Variants in DNM3 observed in about 807,000 individuals in gnomAD.
DNM3 encodes the protein dynamin 3, also known as dynamin-3.
A neutral mutation model predicts 101.6 loss-of-function variants in DNM3; 47 were observed. That is an observed-to-expected ratio of 0.46 (90% CI 0.37 to 0.59). The LOEUF (loss-of-function observed/expected upper bound fraction) is 0.59, where lower values mean the gene tolerates loss of function less well. Ranked by LOEUF, DNM3 falls within the 20% of genes least tolerant of loss-of-function variation. DNM3 has a pLI of 0.00. For synonymous variants in DNM3, 385 were observed against 387.9 expected (o/e 0.99, Z 0.09); for missense variants, 849 against 1,085.7 (o/e 0.78, Z 3.06).
intron 14 of DNM3, among the ~76,000 whole-genome samples, chr1:172,163,899 GCA>G (rs10536416): frequency 0.59 from 89,627 of 150,878 alleles, 29,251 homozygotes; most frequent in African/African-American, 0.88. Flanking sequence ...ATGTATATAT[GCA>G]CATGTGTATA....
exon 21 of DNM3, chr1:172,418,326 A>G (rs755511501): frequency 7.8e-7 from 1 of 1,288,474 alleles, no homozygotes; most frequent in Admixed American, 2.3e-5. Flanking sequence ...AACCCCCATC[A>G]TTCATCTCCT....
At chr1:172,245,103 T>G (rs1573110278) in intron 14 of DNM3, among the ~76,000 whole-genome samples, 1 of 152,284 alleles carries the variant, frequency 6.6e-6, no homozygotes, top group East Asian at 1.9e-4. Context: ...ATTCAGCAAG[T>G]GTTTGCTGAA....
chr1:171,919,410 G>C (rs1356594045), intron 1 of DNM3, among the ~76,000 whole-genome samples: 13 of 152,052 alleles, frequency 8.5e-5, no homozygotes, highest in Admixed American at 7.2e-4. Context: ...TGCGGTGTTT[G>C]GTTTTCTGTT....
intron 15 of DNM3, among the ~76,000 whole-genome samples, chr1:172,257,474 A>C (rs1183856350): frequency 1.3e-5 from 2 of 152,138 alleles, no homozygotes; most frequent in Non-Finnish European, 2.9e-5. Flanking sequence ...TGACTTAAAA[A>C]ATAATTTTGT....
At chr1:172,173,452 A>G (rs547784635) in intron 14 of DNM3, among the ~76,000 whole-genome samples, 1 of 151,520 alleles carries the variant, frequency 6.6e-6, no homozygotes, top group African/African-American at 2.4e-5. Flanking sequence ...AGGTGAAGAC[A>G]TCCAATTGAA....
intron 2 of DNM3, among the ~76,000 whole-genome samples, chr1:171,934,945 T>A (rs985292481): frequency 6.6e-6 from 1 of 152,168 alleles, no homozygotes; most frequent in Non-Finnish European, 1.5e-5. Context: ...ATATTATGAT[T>A]TCCTTTTAGA....
chr1:171,968,208 T>C (rs1453113677), intron 2 of DNM3, among the ~76,000 whole-genome samples: 1 of 152,252 alleles, frequency 6.6e-6, no homozygotes, highest in African/African-American at 2.4e-5. Flanking sequence ...TTGAGGCTTC[T>C]AATCAGTATG....
At chr1:172,170,055 A>G (rs1267933699) in intron 14 of DNM3, among the ~76,000 whole-genome samples, 3 of 151,912 alleles carry the variant, frequency 2.0e-5, no homozygotes, top group Non-Finnish European at 4.4e-5. Flanking sequence ...CTAGAGATCT[A>G]TGCACTACAA....
chr1:172,234,916 G>T (rs1189627777), intron 14 of DNM3, among the ~76,000 whole-genome samples: 7 of 152,044 alleles, frequency 4.6e-5, no homozygotes, highest in Non-Finnish European at 1.0e-4. Context: ...AACCTAGGCA[G>T]TACCATTCAG....
chr1:172,323,285 G>A, intron 16 of DNM3, 44 bp from the exon 17 acceptor site: 2 of 1,550,066 alleles, frequency 1.3e-6, no homozygotes, highest in Non-Finnish European at 8.7e-7. Flanking sequence ...ATAAATTTCT[G>A]TTTAACATAT....
chr1:171,901,765 GA>G (rs1200416524), intron 1 of DNM3, among the ~76,000 whole-genome samples: 2 of 152,174 alleles, frequency 1.3e-5, no homozygotes, highest in Non-Finnish European at 2.9e-5. Context: ...TATGTTTTAA[GA>G]ACGTGAACAA....
At chr1:171,905,112 A>G (rs977099605) in intron 1 of DNM3, among the ~76,000 whole-genome samples, 12 of 152,232 alleles carry the variant, frequency 7.9e-5, no homozygotes, top group African/African-American at 2.9e-4. Context: ...AAAAGATGTG[A>G]CATTTTTTGT....
At chr1:171,844,021 C>T (rs919897227) in intron 1 of DNM3, among the ~76,000 whole-genome samples, 2 of 152,106 alleles carry the variant, frequency 1.3e-5, no homozygotes, top group African/African-American at 2.4e-5. Flanking sequence ...AGAGATAACA[C>T]CTGCCTAGCA....
intron 17 of DNM3, among the ~76,000 whole-genome samples, chr1:172,367,428 T>C (rs1121394): frequency 0.99 from 150,785 of 151,992 alleles, 74,805 homozygotes; most frequent in East Asian, 1. Context: ...GAAACTCACT[T>C]ATAGAGCAGA....
At chr1:172,092,668 G>A (rs947528757) in intron 12 of DNM3, among the ~76,000 whole-genome samples, 156 bp from the exon 13 acceptor site, 1 of 151,864 alleles carries the variant, frequency 6.6e-6, no homozygotes, top group Non-Finnish European at 1.5e-5. Context: ...CATTGAGTTG[G>A]TTTTGCTTCC....
chr1:172,025,228 G>A (rs757134371), intron 4 of DNM3, among the ~76,000 whole-genome samples: 4 of 152,220 alleles, frequency 2.6e-5, no homozygotes, highest in East Asian at 1.9e-4. Context: ...CAGCAAAGCC[G>A]CTGTAGCCGG....
At chr1:172,317,013 A>G (rs2065406039) in intron 16 of DNM3, among the ~76,000 whole-genome samples, 1 of 152,194 alleles carries the variant, frequency 6.6e-6, no homozygotes, top group Admixed American at 6.5e-5. Flanking sequence ...AGCAAATTAA[A>G]AGAACAGAAG....
chr1:172,284,764 AT>A lies in DNM3; in HGVS notation c.1770-23962del, dbSNP rs2063632442. 2.6e-5 allele frequency among the ~76,000 whole-genome samples: 4 copies of A among 152,168 alleles called. No individual in the cohort carries two copies. In the South Asian group the frequency reaches 8.3e-4, roughly 31 times the overall value. On this transcript the variant is annotated intron_variant, in intron 15 of 20. Coordinates refer to ENST00000627582, the MANE Select transcript of DNM3 (RefSeq NM_015569.5). ...AAATTGCTACCGTTTTTACTAGTCC[AT>A]TACGGTTCTCTTATCCATGATTTTT...
chr1:172,224,860 A>G (rs1281242953), intron 14 of DNM3, among the ~76,000 whole-genome samples: 2 of 152,232 alleles, frequency 1.3e-5, no homozygotes, highest in Admixed American at 6.5e-5. Context: ...CCCAGGATCC[A>G]GCCCTCTTGC....
Sources: allele counts gnomAD v4.1 joint callset (sites outside exome capture counted in the v4.1 genomes callset), GRCh38; gene constraint gnomAD v4.1.1; transcripts MANE v1.5; gene names NCBI Gene and HGNC (gene_info 2026-07-23, HGNC 2026-07-21).